PCDHGA7: variants seen among roughly 807,000 people sequenced by gnomAD.
The protein encoded by PCDHGA7 is protocadherin gamma-A7.
A neutral mutation model predicts 58.3 loss-of-function variants in PCDHGA7; 44 were observed. The observed-to-expected ratio is 0.75, with a 90% CI of 0.59 to 0.97. The LOEUF is 0.97. PCDHGA7 is among the 50% of genes least tolerant of loss of function. The pLI is 0.00. For synonymous variants in PCDHGA7, 516 were observed against 504.2 expected, an observed-to-expected ratio of 1.02 and a Z score of -0.31; for missense variants, 1,266 against 1,188.7, an observed-to-expected ratio of 1.06 and a Z score of -0.96.
Position 141,383,266 on chromosome 5 carries a change from A to T in PCDHGA7, c.367A>T (p.Ile123Leu). Residue 123 changes from isoleucine (I) to leucine (L), a missense_variant, in exon 1 of 4, where the codon ATA (isoleucine) becomes TTA (leucine). Ile to Leu is a conservative substitution (Grantham distance 5). Transcript: ENST00000518325. The part of the protein sequence containing the change: ...KMNLYPIDVE[I>L]IDINDNVPRF... ...GAATCTTTACCCTATAGACGTGGAA[A>T]TAATAGATATTAATGACAACGTTCC... 1 of 1,613,948 alleles carries T rather than the reference A, an allele frequency of 6.2e-7. No homozygotes were observed.
At chr5:141,465,293 G>A (rs1407146382) in intron 1 of PCDHGA7, among the ~76,000 whole-genome samples, 2 of 152,258 alleles carry the variant, frequency 1.3e-5, no homozygotes, top group South Asian at 2.1e-4. Flanking sequence ...AAAGAACTGA[G>A]AGTCCTGGGA....
rs2099648980 is a variant in PCDHGA7 at position 141,487,537 on chromosome 5, G to A, written c.2425-7270G>A. ...CTCGGAGTGATAGCTTCATGATGGT[G>A]AAGTCACCCAGTGCACCTATGGCAG... On this transcript the variant is annotated intron_variant, in intron 1 of 3. Transcript: ENST00000518325. The surrounding 1 kb of genome is among the most constrained non-coding windows in gnomAD (Gnocchi z 5.0). The A allele has an allele frequency of 1.2e-6, 2 of 1,614,188 alleles. No individual in the cohort carries two copies. Among genetic ancestry groups the A allele is most frequent in the Admixed American group, 1.7e-5 (1 of 60,028 alleles).
At chr5:141,450,832 T>TTA (rs764784095) in intron 1 of PCDHGA7, among the ~76,000 whole-genome samples, 6,304 of 142,274 alleles carry the variant, frequency 0.044, 222 homozygotes, top group African/African-American at 0.11. Context: ...TATTATTATT[T>TTA]TTTTTTTTTT....
chr5:141,460,848 C>T lies in PCDHGA7; in HGVS notation c.2425-33959C>T, dbSNP rs528601988. Among the ~76,000 whole-genome samples, 257 of 150,340 alleles carry T rather than the reference C, an allele frequency of 1.7e-3. 1 individual carries two copies. The highest frequency in any genetic ancestry group is 4.2e-3 in the Admixed American group (62 of 14,868). ...ACACTTAAAGTAATGGCCTCCAGTT[C>T]GATCCAAGTTGCTGCAAAGGACATT... is the stretch of plus-strand genomic sequence containing the variant. On this transcript the variant is annotated intron_variant, in intron 1 of 3. Transcript: ENST00000518325.
At chr5:141,435,821 T>C (rs571444304) in intron 1 of PCDHGA7, among the ~76,000 whole-genome samples, 72 of 152,240 alleles carry the variant, frequency 4.7e-4, no homozygotes, top group African/African-American at 1.6e-3. Context: ...CTTTCTTCTT[T>C]GTTTGCTGCC....
chr5:141,449,756 T>C (rs2098654563), intron 1 of PCDHGA7, among the ~76,000 whole-genome samples: 1 of 151,728 alleles, frequency 6.6e-6, no homozygotes, highest in South Asian at 2.1e-4. Flanking sequence ...TTTATGACAT[T>C]TGAGAGTAAG....
chr5:141,400,674 T>A, intron 1 of PCDHGA7: 1 of 917,906 alleles, frequency 1.1e-6, no homozygotes, highest in Non-Finnish European at 1.7e-6. Flanking sequence ...AGAGGAGCAG[T>A]AAATTGTGAG....
At chr5:141,405,567 G>A in intron 1 of PCDHGA7, 2 of 608,222 alleles carry the variant, frequency 3.3e-6, no homozygotes, top group Non-Finnish European at 5.8e-6. Context: ...TGGGACTAGA[G>A]TAGAGTAGCT....
chr5:141,505,335 A>G, intron 2 of PCDHGA7, 58 bp from the exon 3 acceptor site: 1 of 1,611,086 alleles, frequency 6.2e-7, no homozygotes, highest in Non-Finnish European at 8.5e-7. Flanking sequence ...AGAGGACAGG[A>G]GGGGCATGAG....
chr5:141,385,870 A>G (rs2150302172), intron 1 of PCDHGA7: 1 of 153,178 alleles, frequency 6.5e-6, no homozygotes, highest in African/African-American at 2.4e-5. Flanking sequence ...AGAAGGTTGG[A>G]TTTATGCCTA....
chr5:141,409,624 G>C lies in PCDHGA7; in HGVS notation c.2424+24301G>C, dbSNP rs747166507. 11 of 1,613,728 alleles carry C rather than the reference G, an allele frequency of 6.8e-6. No homozygotes were observed. The South Asian group carries it at 8.8e-5, about 13-fold the overall frequency. On this transcript the variant is annotated intron_variant, in intron 1 of 3. Transcript: ENST00000518325. The stretch of plus-strand genomic sequence containing the variant: ...CGCCAGGAGCCTCCATTGCGCAAGT[G>C]AGCGCCTCTGACCCGGATTTGGGGC...
chr5:141,486,940 A>T lies in PCDHGA7; in HGVS notation c.2425-7867A>T. ...CTCCATCAGTTGGTGCTGGCCACCTAATCACAAAGGTGACTGCTGTGGACT... is the reference window on the plus strand; with the variant it reads ...CTCCATCAGTTGGTGCTGGCCACCTTATCACAAAGGTGACTGCTGTGGACT... On this transcript the variant is annotated intron_variant, in intron 1 of 3. Coordinates refer to ENST00000518325, the MANE Select transcript of PCDHGA7 (RefSeq NM_018920.4). This position sits in a 1 kb window ranked among gnomAD's most constrained non-coding sequence, Gnocchi z 5.0. 6.2e-7 allele frequency: 1 copy of T among 1,614,188 alleles called. No homozygotes were observed. Among genetic ancestry groups the T allele is most frequent in the Non-Finnish European group, 8.5e-7 (1 of 1,180,032 alleles).
chr5:141,404,119 T>G, intron 1 of PCDHGA7: 1 of 1,613,504 alleles, frequency 6.2e-7, no homozygotes, highest in Non-Finnish European at 8.5e-7. Flanking sequence ...TCCAGGAGAA[T>G]CTATCTTTTA....
At position 141,431,276 on chromosome 5, in the gene PCDHGA7, A is replaced by T; in HGVS notation, c.2424+45953A>T. 6.2e-7 allele frequency: 1 copy of T among 1,614,176 alleles called. No individual in the cohort carries two copies. Among genetic ancestry groups the T allele is most frequent in the South Asian group, 1.1e-5 (1 of 91,084 alleles). ...GAACTCTCTGCAGAGCTACGAGCTC[A>T]GCCCGAACACTCACTTCTCCCTCAT... is the stretch of plus-strand genomic sequence containing the variant. On this transcript the variant is annotated intron_variant, in intron 1 of 3. Transcript: ENST00000518325. The surrounding 1 kb of genome is among the most constrained non-coding windows in gnomAD (Gnocchi z 4.8).
intron 1 of PCDHGA7, among the ~76,000 whole-genome samples, chr5:141,437,526 G>A (rs1199002765): frequency 1.3e-5 from 2 of 152,160 alleles, no homozygotes; most frequent in East Asian, 3.8e-4. Context: ...GATGACAAAT[G>A]AGCAAATTGT....
At chr5:141,420,413 A>T in intron 1 of PCDHGA7, 1 of 1,222,396 alleles carries the variant, frequency 8.2e-7, no homozygotes, top group Non-Finnish European at 1.1e-6. Context: ...GGTTATCATT[A>T]TTAAAACAAA....
chr5:141,440,960 A>C (rs1467379261), intron 1 of PCDHGA7: 2 of 152,248 alleles, frequency 1.3e-5, no homozygotes, highest in Non-Finnish European at 2.9e-5. Flanking sequence ...CAAGGCAGAG[A>C]TCACATATGG....
At chr5:141,510,824 A>G (rs947400590) in intron 3 of PCDHGA7, 123 bp from the exon 4 acceptor site, 2 of 1,563,416 alleles carry the variant, frequency 1.3e-6, no homozygotes, top group Non-Finnish European at 1.7e-6. Flanking sequence ...CTATATTCCC[A>G]GTGCTCAGCG....
chr5:141,409,041 A>G lies in PCDHGA7; in HGVS notation c.2424+23718A>G, dbSNP rs981171621. On this transcript the variant is annotated intron_variant, in intron 1 of 3. Coordinates refer to ENST00000518325, the MANE Select transcript of PCDHGA7 (RefSeq NM_018920.4). ...GGGGTCAATGCTGAGATAAACTACT[A>G]CTTCCGAAGCACTGCCCAGAGCACA... The G allele has an allele frequency of 8.7e-6, 14 of 1,613,864 alleles. No homozygotes were observed. Among genetic ancestry groups the G allele is most frequent in the Non-Finnish European group, 7.6e-6 (9 of 1,179,894 alleles).
Sources: allele counts gnomAD v4.1 joint callset (sites outside exome capture counted in the v4.1 genomes callset), GRCh38; gene constraint gnomAD v4.1.1; non-coding constraint Gnocchi (gnomAD v3.1); transcripts MANE v1.5; gene names NCBI Gene and HGNC (gene_info 2026-07-23, HGNC 2026-07-21).